Variants in DICER1 observed in about 807,000 individuals in gnomAD.
DICER1 encodes the protein endoribonuclease Dicer.
Under a neutral mutation model 194.1 loss-of-function variants are expected in DICER1, and 43 were observed. That is an observed-to-expected ratio of 0.22 (90% CI 0.17 to 0.29). The LOEUF (loss-of-function observed/expected upper bound fraction) is 0.29. DICER1 is among the 10% of genes least tolerant of loss of function. The pLI, the probability that DICER1 is intolerant of heterozygous loss-of-function variation, is 1.00. For synonymous variants in DICER1, 832 were observed against 820.5 expected (o/e 1.01, Z -0.24); for missense variants, 1,608 against 2,317.0 (o/e 0.69, Z 6.28).
In DICER1 at chr14:95,131,651, T is replaced by C. The variant is rs1473486614; in HGVS notation, c.308-12A>G. ...AGCAACCTGGTTTGCTAATTACAAA[T>C]ATAATACTCCATGTAAATATGAGAA... On this transcript the variant is annotated splice_polypyrimidine_tract_variant and intron_variant, in intron 3 of 26. Coordinates refer to ENST00000343455, the MANE Select transcript of DICER1 (RefSeq NM_177438.3). The C allele has an allele frequency of 1.2e-6, 2 of 1,612,526 alleles. No homozygotes were observed. The highest frequency in any genetic ancestry group is 1.3e-5 in the African/African-American group (1 of 75,026).
intron 17 of DICER1, among the ~76,000 whole-genome samples, chr14:95,107,299 G>T (rs1445391026): frequency 6.7e-6 from 1 of 149,470 alleles, no homozygotes; most frequent in Admixed American, 6.7e-5. Flanking sequence ...TCTCCAGGCT[G>T]GAGTGCAGTG....
intron 24 of DICER1, 126 bp downstream of exon 24, chr14:95,093,761 CA>C (rs1476532866): frequency 9.7e-7 from 1 of 1,032,644 alleles, no homozygotes; most frequent in East Asian, 2.4e-5. Flanking sequence ...CCACAGAACA[CA>C]GCACACTGGG....
At chr14:95,131,394 G>T (rs1893935504) in intron 4 of DICER1, 115 bp downstream of exon 4, 2 of 963,736 alleles carry the variant, frequency 2.1e-6, no homozygotes, top group Non-Finnish European at 3.3e-6. Flanking sequence ...GGCTGATTAA[G>T]TATAGGAAAT....
rs1891392508 is a variant in DICER1, at chr14:95,106,067, C to A, written c.2961G>T (p.Leu987=). The change falls in exon 18 of 27, where the codon CTG becomes CTT. Residue 987 remains leucine (L), a synonymous_variant. Transcript: ENST00000343455. ...NLDLTNLNQP[L]LDVDHTSSRL... Reference sequence around the variant, plus strand: ...TTGAAGATGTGTGGTCCACATCCAGCAGTGGCTGGTTGAGATTGGTTAGGT... The same window carrying A: ...TTGAAGATGTGTGGTCCACATCCAGAAGTGGCTGGTTGAGATTGGTTAGGT... 6 of 1,614,084 alleles carry A rather than the reference C, an allele frequency of 3.7e-6. No individual in the cohort carries two copies. In the South Asian group the frequency reaches 5.5e-5, roughly 15 times the overall value.
rs951389609 is a variant in DICER1 at position 95,124,129 on chromosome 14, G to T, written c.1376+67C>A. ...CATGCTAGCTCTTACAGCTGCTGCA[G>T]CGCATCACATCACAACACAGGACGC... is the stretch of plus-strand genomic sequence containing the variant. On this transcript the variant is annotated intron_variant, in intron 8 of 26. Coordinates refer to ENST00000343455, the MANE Select transcript of DICER1 (RefSeq NM_177438.3). This position sits in a 1 kb window ranked among gnomAD's most constrained non-coding sequence, Gnocchi z 4.5. The T allele has an allele frequency of 4.3e-6, 5 of 1,162,770 alleles. No homozygotes were observed. In the African/African-American group the frequency reaches 6.0e-5, roughly 14 times the overall value. 72.0% of individuals were successfully genotyped at this position (1,162,770 alleles called of 1,614,324 possible). A position where few individuals can be genotyped will look rare whatever the true frequency, so the allele number is the denominator to read the frequency against.
At chr14:95,098,100 A>G (rs1890529004) in intron 22 of DICER1, among the ~76,000 whole-genome samples, 1 of 152,198 alleles carries the variant, frequency 6.6e-6, no homozygotes, top group Non-Finnish European at 1.5e-5. Context: ...GAGCACAAAA[A>G]TCACAAAGGG....
intron 1 of DICER1, among the ~76,000 whole-genome samples, chr14:95,152,561 T>C (rs12889800): frequency 0.065 from 9,901 of 152,264 alleles, 415 homozygotes; most frequent in African/African-American, 0.12. Flanking sequence ...AATGCTGTTA[T>C]AAGCCTAAAA....
At chr14:95,135,559 G>A (rs1357202317) in intron 1 of DICER1, among the ~76,000 whole-genome samples, 1 of 152,152 alleles carries the variant, frequency 6.6e-6, no homozygotes, top group Non-Finnish European at 1.5e-5. Context: ...TAAAGCTGGG[G>A]AGGGTATTCT....
At chr14:95,113,990 A>C (rs1174221510) in intron 11 of DICER1, among the ~76,000 whole-genome samples, 4 of 152,222 alleles carry the variant, frequency 2.6e-5, no homozygotes, top group African/African-American at 4.8e-5. Context: ...CAAAGACAGA[A>C]AGGAGGAAAT....
At position 95,113,183 on chromosome 14, in the gene DICER1, G is replaced by T; in HGVS notation, c.1949C>A (p.Ala650Asp). ...RLPSDPFTHLAPKCRTRELPD... is the reference protein window; with the variant it reads ...RLPSDPFTHLDPKCRTRELPD... Reference sequence around the variant, plus strand: ...CAACTCTCGGGTTCTGCATTTAGGAGCTAGATGAGTAAACGGATCACTTGG... The same window carrying T: ...CAACTCTCGGGTTCTGCATTTAGGATCTAGATGAGTAAACGGATCACTTGG... Residue 650 changes from alanine (A) to aspartate (D), a missense_variant, in exon 12 of 27, where the codon GCT becomes GAT. By Grantham distance (126) the Ala-to-Asp change is moderately radical. This residue lies in a region of DICER1 where 657 missense variants were observed against 910.1 expected (regional missense o/e 0.72). Transcript: ENST00000343455. 1 of 1,613,504 alleles carries T rather than the reference G, an allele frequency of 6.2e-7. No homozygotes were observed. Among genetic ancestry groups the T allele is most frequent in the Non-Finnish European group, 8.5e-7 (1 of 1,179,404 alleles).
At position 95,096,571 on chromosome 14, in the gene DICER1, A is replaced by G. The variant is rs1890362954; in HGVS notation, c.4349T>C (p.Ile1450Thr). Residue 1450 changes from isoleucine to threonine, a missense_variant, in exon 23 of 27, where the codon ATC (isoleucine) becomes ACC (threonine). Transcript: ENST00000343455. Reference protein sequence around the residue: ...DDFLEYDQEHIRFIDNMLMGS... With the variant: ...DDFLEYDQEHTRFIDNMLMGS... ...CATTAACATATTATCTATAAATCTG[A>G]TATGTTCCTGATCATACTCCAGGAA... 6.2e-7 allele frequency: 1 copy of G among 1,613,094 alleles called. No individual in the cohort carries two copies. The highest frequency in any genetic ancestry group is 8.5e-7 in the Non-Finnish European group (1 of 1,179,392).
Position 95,090,279 on chromosome 14 carries a change from T to G in DICER1, c.*219A>C. 1 of 584,170 alleles carries G rather than the reference T, an allele frequency of 1.7e-6. No homozygotes were observed. The highest frequency in any genetic ancestry group is 3.0e-6 in the Non-Finnish European group (1 of 331,048). 36.2% of individuals were successfully genotyped at this position (584,170 alleles called of 1,614,324 possible). The stretch of plus-strand genomic sequence containing the variant: ...GCAGAAGTGAGGAAAGAAGATAAGA[T>G]TGTGTTTGCGCAAAAAACTAAAACT... On this transcript the variant is annotated 3_prime_UTR_variant, in exon 27 of 27. Transcript: ENST00000343455.
At chr14:95,094,926 C>T (rs1257716558) in intron 23 of DICER1, among the ~76,000 whole-genome samples, 1 of 151,626 alleles carries the variant, frequency 6.6e-6, no homozygotes, top group African/African-American at 2.4e-5. Context: ...GCAGGGACTG[C>T]TAGGCGAGAA....
chr14:95,122,948 GCA>G (rs1224198249), intron 8 of DICER1, among the ~76,000 whole-genome samples: 18 of 132,638 alleles, frequency 1.4e-4, no homozygotes, highest in South Asian at 2.3e-4. Context: ...GCGCGCGCGC[GCA>G]CACACACACA....
At chr14:95,128,040 T>C (rs925875780) in intron 6 of DICER1, among the ~76,000 whole-genome samples, 3 of 152,244 alleles carry the variant, frequency 2.0e-5, no homozygotes, top group Non-Finnish European at 4.4e-5. Context: ...TTTTAATGTA[T>C]TTTTAAATCC....
intron 6 of DICER1, among the ~76,000 whole-genome samples, chr14:95,127,815 GTTTTC>G (rs931819582): frequency 6.6e-6 from 1 of 152,164 alleles, no homozygotes; most frequent in African/African-American, 2.4e-5. Flanking sequence ...TTATTAGTTT[GTTTTC>G]TTTTGTTTTT....
At chr14:95,129,821 C>T (rs1344967515) in intron 5 of DICER1, among the ~76,000 whole-genome samples, 189 bp from the exon 6 acceptor site, 1 of 152,064 alleles carries the variant, frequency 6.6e-6, no homozygotes. Context: ...TTTAAAAGAT[C>T]TGTTTTTCAA....
chr14:95,145,936 T>C (rs1470015165), intron 1 of DICER1, among the ~76,000 whole-genome samples: 1 of 152,208 alleles, frequency 6.6e-6, no homozygotes, highest in Non-Finnish European at 1.5e-5. Flanking sequence ...CATTACCATT[T>C]ATAAGAGCAA....
intron 17 of DICER1, among the ~76,000 whole-genome samples, chr14:95,107,142 A>G (rs1891494185): frequency 1.3e-5 from 2 of 152,166 alleles, no homozygotes; most frequent in Admixed American, 1.3e-4. Flanking sequence ...CTCAGCCCTG[A>G]GTAGCTGTGA....
Sources: allele counts gnomAD v4.1 joint callset (sites outside exome capture counted in the v4.1 genomes callset), GRCh38; gene constraint gnomAD v4.1.1; regional missense constraint gnomAD v4.1.1; non-coding constraint Gnocchi (gnomAD v3.1); transcripts MANE v1.5; gene names NCBI Gene and HGNC (gene_info 2026-07-23, HGNC 2026-07-21).